PIK3AP1: variants seen among roughly 807,000 people sequenced by gnomAD.
PIK3AP1 encodes the protein phosphoinositide-3-kinase adaptor protein 1, also known as phosphoinositide 3-kinase adapter protein 1.
In PIK3AP1, 21 loss-of-function variants were observed where a neutral mutation model predicts 88.1. The ratio of observed to expected loss-of-function variants is 0.24; its 90% CI spans 0.17 to 0.34. The LOEUF is 0.34. Among genes scored for constraint, PIK3AP1 ranks in the 10% least tolerant of loss-of-function variants. The pLI is 1.00. For synonymous variants in PIK3AP1, 398 were observed against 400.0 expected, an observed-to-expected ratio of 1.00 and a Z score of 0.06; for missense variants, 828 against 1,035.7, an observed-to-expected ratio of 0.80 and a Z score of 2.75.
chr10:96,645,277 T>C (rs563448115), intron 8 of PIK3AP1, among the ~76,000 whole-genome samples, 196 bp downstream of exon 8: 4 of 152,288 alleles, frequency 2.6e-5, no homozygotes, highest in Non-Finnish European at 5.9e-5. Context: ...CCAGCAGTCA[T>C]AACAGAGGAA....
chr10:96,609,719 G>A lies in PIK3AP1; in HGVS notation c.2163C>T (p.Ser721=). 6.2e-7 allele frequency: 1 copy of A among 1,613,812 alleles called. No individual in the cohort carries two copies. Residue 721 remains serine, a synonymous_variant, in exon 14 of 17, where the codon AGC becomes AGT. Transcript: ENST00000339364. ...RGDWKTDSTS[S]TASSTSNRSS... is the part of the protein sequence containing the mutation. Reference sequence around the variant, plus strand: ...GCACCCCCAGCTGCTCACTTGCTGTGCTGGAGGTGCTGTCTGTTTTCCAGT... The same window carrying A: ...GCACCCCCAGCTGCTCACTTGCTGTACTGGAGGTGCTGTCTGTTTTCCAGT...
At chr10:96,629,909 C>CAAAAAAAAAAAAAAAAAAAAAAA (rs66669261) in intron 8 of PIK3AP1, among the ~76,000 whole-genome samples, 1 of 5,412 alleles carries the variant, frequency 1.8e-4, no homozygotes. Context: ...CAACAACAAC[C>CAAAAAAAAAAAAAAAAAAAAAAA]AAAAAAAAAA....
chr10:96,668,033 ATACT>A lies in PIK3AP1; in HGVS notation c.431-11103_431-11100del, dbSNP rs374208078. Among the ~76,000 whole-genome samples the A allele has an allele frequency of 2.6e-5, 4 of 152,358 alleles. No homozygotes were observed. In the East Asian group the frequency reaches 5.8e-4, roughly 22 times the overall value. On this transcript the variant is annotated intron_variant, in intron 2 of 16. Transcript: ENST00000339364. ...GAGTGGCAAAGTTTCCTTTTAAAAT[ATACT>A]TACTTAGAAAATATGAATTGACTTA...
At chr10:96,665,503 G>A (rs1469580519) in intron 2 of PIK3AP1, among the ~76,000 whole-genome samples, 1 of 152,050 alleles carries the variant, frequency 6.6e-6, no homozygotes, top group Non-Finnish European at 1.5e-5. Context: ...AAATACTTTG[G>A]AGATCCAGTC....
At chr10:96,659,713 AAC>A (rs1009817206) in intron 2 of PIK3AP1, among the ~76,000 whole-genome samples, 3 of 152,014 alleles carry the variant, frequency 2.0e-5, no homozygotes, top group African/African-American at 7.2e-5. Context: ...AAAAAAAAAA[AAC>A]AAAATGCAAT....
At chr10:96,648,959 C>T in intron 6 of PIK3AP1, 104 bp from the exon 7 acceptor site, 1 of 891,214 alleles carries the variant, frequency 1.1e-6, no homozygotes, top group Non-Finnish European at 1.6e-6. Flanking sequence ...CAACAGAAAG[C>T]ACTCAGCCAT....
chr10:96,715,056 A>G (rs570269295), intron 1 of PIK3AP1, among the ~76,000 whole-genome samples: 31 of 152,268 alleles, frequency 2.0e-4, no homozygotes, highest in East Asian at 9.6e-4. Context: ...TAAATTTACA[A>G]TAGAGAAACC....
intron 11 of PIK3AP1, chr10:96,621,677 G>A (rs1843086079): frequency 6.6e-6 from 1 of 152,360 alleles, no homozygotes. Flanking sequence ...GGACCCCCAG[G>A]CCCTCCCACT....
chr10:96,610,995 A>C (rs1011781366), intron 13 of PIK3AP1, among the ~76,000 whole-genome samples: 1 of 152,018 alleles, frequency 6.6e-6, no homozygotes, highest in African/African-American at 2.4e-5. Context: ...CTCCACCTCT[A>C]CCCTTCTAGG....
rs942280276 is a variant in PIK3AP1 at position 96,593,521 on chromosome 10, A to G, written c.*2056T>C. 4 of 152,234 alleles carry G rather than the reference A, an allele frequency of 2.6e-5. No homozygotes were observed. The highest frequency in any genetic ancestry group is 9.6e-5 in the African/African-American group (4 of 41,458). The allele number at this position is 152,234 out of a possible 1,614,324, so 9.4% of individuals were successfully genotyped here. Reference sequence around the variant, plus strand: ...AAGTTTGGCATCCAAAAGGGGGCTTACAGTTATTGAATATTTTTCCCAGCC... The same window carrying G: ...AAGTTTGGCATCCAAAAGGGGGCTTGCAGTTATTGAATATTTTTCCCAGCC... On this transcript the variant is annotated 3_prime_UTR_variant, in exon 17 of 17. Transcript: ENST00000339364.
At chr10:96,602,762 T>C (rs1848921548) in intron 15 of PIK3AP1, among the ~76,000 whole-genome samples, 1 of 152,168 alleles carries the variant, frequency 6.6e-6, no homozygotes. Flanking sequence ...CCCTCCTGCT[T>C]GTCCCAGCCA....
At chr10:96,598,783 A>G (rs1006069834) in intron 16 of PIK3AP1, among the ~76,000 whole-genome samples, 2 of 152,190 alleles carry the variant, frequency 1.3e-5, no homozygotes, top group Non-Finnish European at 2.9e-5. Flanking sequence ...TTTTCTAAGC[A>G]AGAGTAGAAG....
intron 2 of PIK3AP1, among the ~76,000 whole-genome samples, chr10:96,697,613 C>T (rs1844238681): frequency 6.6e-6 from 1 of 151,984 alleles, no homozygotes; most frequent in Non-Finnish European, 1.5e-5. Context: ...CCTGTGGTCC[C>T]AGCTATTCAA....
intron 8 of PIK3AP1, among the ~76,000 whole-genome samples, chr10:96,635,437 G>T (rs1167668448): frequency 6.6e-6 from 1 of 152,198 alleles, no homozygotes. Flanking sequence ...TAAAGAAAAT[G>T]ATTTTTAAAA....
chr10:96,628,894 ATATATATATATATGTG>A (rs1177546415), intron 8 of PIK3AP1, among the ~76,000 whole-genome samples: 3 of 34,022 alleles, frequency 8.8e-5, no homozygotes, highest in South Asian at 1.3e-3. Flanking sequence ...ATATACATAT[ATATATATATATATGTG>A]TATATATATA....
At chr10:96,681,561 T>C (rs67255161) in intron 2 of PIK3AP1, among the ~76,000 whole-genome samples, 62,921 of 151,934 alleles carry the variant, frequency 0.41, 13,225 homozygotes, top group South Asian at 0.55. Context: ...TGGGAGAGTG[T>C]TGAAGAGAAA....
intron 2 of PIK3AP1, among the ~76,000 whole-genome samples, chr10:96,684,416 G>A (rs1035592831): frequency 1.3e-5 from 2 of 152,224 alleles, no homozygotes; most frequent in African/African-American, 2.4e-5. Context: ...TCCCCTGAGC[G>A]AGGCTTGTGC....
chr10:96,640,465 G>T (rs1843369405), intron 8 of PIK3AP1, among the ~76,000 whole-genome samples: 1 of 152,056 alleles, frequency 6.6e-6, no homozygotes, highest in Non-Finnish European at 1.5e-5. Flanking sequence ...GGGACCACCA[G>T]GACTACCATA....
At chr10:96,652,976 TC>T in intron 3 of PIK3AP1, 134 bp from the exon 4 acceptor site, 1 of 1,008,688 alleles carries the variant, frequency 9.9e-7, no homozygotes, top group Non-Finnish European at 1.4e-6. Flanking sequence ...GACTCAGTGG[TC>T]CAGTGCTGGG....
Sources: allele counts gnomAD v4.1 joint callset (sites outside exome capture counted in the v4.1 genomes callset), GRCh38; gene constraint gnomAD v4.1.1; transcripts MANE v1.5; gene names NCBI Gene and HGNC (gene_info 2026-07-23, HGNC 2026-07-21).